ARL13B: variants seen among roughly 807,000 people sequenced by gnomAD.
ARL13B encodes the protein ADP-ribosylation factor-like protein 13B.
Under a neutral mutation model 56.1 loss-of-function variants are expected in ARL13B, and 36 were observed. The observed-to-expected ratio is 0.64, with a 90% confidence interval of 0.49 to 0.85. The LOEUF (loss-of-function observed/expected upper bound fraction) is 0.85. Among genes scored for constraint, ARL13B ranks in the 40% least tolerant of loss-of-function variants. ARL13B has a pLI of 0.00. For synonymous variants in ARL13B, 178 were observed against 171.1 expected (o/e 1.04, Z -0.32); for missense variants, 519 against 507.1 (o/e 1.02, Z -0.23).
rs890022054 is a variant in ARL13B, at chr3:94,044,098, C to T, written c.1024+858C>T. On this transcript the variant is annotated intron_variant, in intron 7 of 9. Coordinates refer to ENST00000394222, the MANE Select transcript of ARL13B (RefSeq NM_001174150.2). ...GCCACCCCGTCTAGGAAGTGAGCAGCGTCTCTGCCTGGCCGCCCATCGTCT... is the reference window on the plus strand; with the variant it reads ...GCCACCCCGTCTAGGAAGTGAGCAGTGTCTCTGCCTGGCCGCCCATCGTCT... Among the ~76,000 whole-genome samples, 5 of 152,062 alleles carry T rather than the reference C, an allele frequency of 3.3e-5. No homozygotes were observed. The South Asian group carries it at 6.2e-4, about 19-fold the overall frequency.
chr3:94,049,194 A>G (rs539722528), intron 7 of ARL13B, among the ~76,000 whole-genome samples: 53 of 152,294 alleles, frequency 3.5e-4, no homozygotes, highest in African/African-American at 1.2e-3. Flanking sequence ...TATCATATTC[A>G]TTGCTCATTC....
intron 3 of ARL13B, among the ~76,000 whole-genome samples, chr3:94,034,503 AC>A (rs1378239094): frequency 6.7e-6 from 1 of 150,306 alleles, no homozygotes; most frequent in African/African-American, 2.5e-5. Flanking sequence ...CTAATTGAGT[AC>A]AATTTTTTTT....
intron 6 of ARL13B, among the ~76,000 whole-genome samples, chr3:94,041,382 T>C (rs867399136): frequency 6.6e-6 from 1 of 152,190 alleles, no homozygotes; most frequent in African/African-American, 2.4e-5. Context: ...GAATATTGTA[T>C]ACCCAGTTAA....
chr3:94,030,167 T>A (rs959319812), intron 3 of ARL13B, among the ~76,000 whole-genome samples: 1 of 152,110 alleles, frequency 6.6e-6, no homozygotes, highest in African/African-American at 2.4e-5. Context: ...AGATAGCAAA[T>A]AGTTCCTTTC....
chr3:94,018,574 C>G (rs920915782), intron 3 of ARL13B, among the ~76,000 whole-genome samples: 1 of 152,064 alleles, frequency 6.6e-6, no homozygotes, highest in East Asian at 1.9e-4. Flanking sequence ...GCATTAAATG[C>G]TGTTTGTAAG....
intron 9 of ARL13B, among the ~76,000 whole-genome samples, chr3:94,051,486 A>G (rs1242810616): frequency 6.6e-6 from 1 of 152,162 alleles, no homozygotes; most frequent in Non-Finnish European, 1.5e-5. Flanking sequence ...TAGATAGTTT[A>G]TGGCATTAGA....
chr3:94,036,085 A>T (rs907673574), intron 4 of ARL13B, among the ~76,000 whole-genome samples: 4 of 152,200 alleles, frequency 2.6e-5, no homozygotes, highest in African/African-American at 9.7e-5. Flanking sequence ...AAAAACAAAA[A>T]AAGAAAAGAT....
At chr3:93,993,134 T>A (rs1430813903) in intron 1 of ARL13B, among the ~76,000 whole-genome samples, 2 of 151,796 alleles carry the variant, frequency 1.3e-5, no homozygotes, top group African/African-American at 4.8e-5. Context: ...TATTATTTTA[T>A]TTTATTTTTG....
chr3:93,980,156 C>A lies in ARL13B; in HGVS notation c.-268C>A. The A allele has an allele frequency of 1.6e-6, 1 of 622,604 alleles. No individual in the cohort carries two copies. Among genetic ancestry groups the A allele is most frequent in the Admixed American group, 2.3e-5 (1 of 43,126 alleles). 38.6% of individuals were successfully genotyped at this position (622,604 alleles called of 1,614,324 possible). On this transcript the variant is annotated 5_prime_UTR_variant, in exon 1 of 10. Transcript: ENST00000394222. ...GTAACGTCAGCACGTCGACGCGGGG[C>A]TTTTCTTTAGCCGGGTCCCGCTAAC...
intron 9 of ARL13B, among the ~76,000 whole-genome samples, chr3:94,052,310 G>C (rs2077079670): frequency 6.6e-6 from 1 of 152,054 alleles, no homozygotes. Flanking sequence ...CCTTTGTGAG[G>C]ATTCTACTAT....
intron 8 of ARL13B, 66 bp from the exon 9 acceptor site, chr3:94,050,758 T>A: frequency 1.5e-6 from 2 of 1,319,730 alleles, no homozygotes; most frequent in Non-Finnish European, 2.2e-6. Flanking sequence ...CAGGGAGGGA[T>A]CCTCTCAACA....
chr3:94,014,706 TTGA>T (rs1167272359), intron 3 of ARL13B: 1 of 1,612,834 alleles, frequency 6.2e-7, no homozygotes, highest in Middle Eastern at 1.7e-4. Flanking sequence ...CCCATTTTCC[TTGA>T]TGAAGCATAT....
rs2076089782 is a variant in ARL13B, at chr3:94,003,739, G to A, written c.211G>A (p.Asp71Asn). ...AGGAAAGTTTGAAGTCACCATCTTT[G>A]ACTTGGGAGGTGGAATAAGAATTCG... is the stretch of plus-strand genomic sequence containing the variant. ...RQGKFEVTIF[D>N]LGGGIRIRGI... The change falls in exon 3 of 10, where the codon GAC becomes AAC. Residue 71 changes from aspartate to asparagine, a missense_variant. Transcript: ENST00000394222. The A allele has an allele frequency of 6.2e-7, 1 of 1,613,512 alleles. No homozygotes were observed. The highest frequency in any genetic ancestry group is 1.7e-5 in the Admixed American group (1 of 59,988).
intron 7 of ARL13B, among the ~76,000 whole-genome samples, chr3:94,045,642 G>A (rs1183583371): frequency 4.0e-5 from 6 of 151,844 alleles, no homozygotes; most frequent in Admixed American, 3.9e-4. Flanking sequence ...CAAGGTTAAA[G>A]ACTCATACTA....
intron 1 of ARL13B, among the ~76,000 whole-genome samples, chr3:93,982,958 A>G (rs1322598669): frequency 6.6e-6 from 1 of 152,162 alleles, no homozygotes; most frequent in Non-Finnish European, 1.5e-5. Flanking sequence ...TATTTTTTCA[A>G]CAGAAATTGC....
chr3:93,999,003 TCTGA>T (rs2076011025), intron 2 of ARL13B, among the ~76,000 whole-genome samples: 3 of 151,568 alleles, frequency 2.0e-5, no homozygotes, highest in Admixed American at 2.0e-4. Flanking sequence ...CTACCTCTCC[TCTGA>T]CTGTGTTGCC....
intron 2 of ARL13B, among the ~76,000 whole-genome samples, chr3:94,000,619 A>G (rs558640299): frequency 9.4e-5 from 14 of 148,756 alleles, no homozygotes; most frequent in East Asian, 3.9e-4. Flanking sequence ...TTATTTGTGT[A>G]TGTGTGTGTG....
At chr3:93,997,846 G>A (rs1357212588) in intron 2 of ARL13B, among the ~76,000 whole-genome samples, 2 of 152,124 alleles carry the variant, frequency 1.3e-5, no homozygotes, top group African/African-American at 4.8e-5. Context: ...AATTAGCTAG[G>A]TGTGGTGGCA....
rs531990222 is a variant in ARL13B, at chr3:93,981,368, G to GT, written c.59+897dup. ...GCCAAGGGTAAGATAAAGCAAAGTT[G>GT]TTTTTTTTTTTAAATTGTTAACATT... On this transcript the variant is annotated intron_variant, in intron 1 of 9. Coordinates refer to ENST00000394222, the MANE Select transcript of ARL13B (RefSeq NM_001174150.2). Among the ~76,000 whole-genome samples, 1,129 of 145,280 alleles carry GT rather than the reference G, an allele frequency of 7.8e-3. 9 individuals are homozygous for GT. Among genetic ancestry groups the GT allele is most frequent in the South Asian group, 0.014 (66 of 4,628 alleles).
Sources: allele counts gnomAD v4.1 joint callset (sites outside exome capture counted in the v4.1 genomes callset), GRCh38; gene constraint gnomAD v4.1.1; transcripts MANE v1.5; gene names NCBI Gene and HGNC (gene_info 2026-07-23, HGNC 2026-07-21).